Variants in PPIL2 observed in about 807,000 individuals in gnomAD.
PPIL2 encodes RING-type E3 ubiquitin-protein ligase PPIL2.
PPIL2 carries 50 observed loss-of-function variants against 75.2 expected under a neutral mutation model. The ratio of observed to expected loss-of-function variants is 0.66; its 90% CI spans 0.53 to 0.84. The LOEUF (loss-of-function observed/expected upper bound fraction) is 0.84. Ranked by LOEUF, PPIL2 falls within the 40% of genes least tolerant of loss-of-function variation. The probability of loss-of-function intolerance (pLI) is 0.00; values close to 1 mark genes in which losing one functional copy is unlikely to be tolerated. For missense variants in PPIL2, 590 were observed against 685.0 expected (o/e 0.86, Z 1.55); for synonymous variants, 245 against 258.8 (o/e 0.95, Z 0.51).
chr22:21,667,890 C>A (rs2066458637), intron 1 of PPIL2, among the ~76,000 whole-genome samples: 1 of 151,714 alleles, frequency 6.6e-6, no homozygotes, highest in South Asian at 2.1e-4. Flanking sequence ...ATTCTCCCAC[C>A]TCAGCCTCCC....
intron 13 of PPIL2, 102 bp downstream of exon 13, chr22:21,687,834 G>C: frequency 1.6e-6 from 2 of 1,245,726 alleles, no homozygotes; most frequent in East Asian, 2.4e-5. Context: ...CCCATCCCAC[G>C]GTGGCCAGGA....
rs1053750587 is a variant in PPIL2, at chr22:21,697,549, C to T, written c.*2059C>T. ...CTGAGGGCACGATTTAAACATTTGA[C>T]ATCAGAAGCTTTATTTGTAAACCTC... On this transcript the variant is annotated 3_prime_UTR_variant, in exon 20 of 20. Coordinates refer to ENST00000398831, the MANE Select transcript of PPIL2 (RefSeq NM_014337.4). 1 of 155,914 alleles carries T rather than the reference C, an allele frequency of 6.4e-6. No individual in the cohort carries two copies. Among genetic ancestry groups the T allele is most frequent in the Non-Finnish European group, 1.4e-5 (1 of 70,418 alleles). The allele number at this position is 155,914 out of a possible 1,614,324, so 9.7% of individuals were successfully genotyped here. A position where few individuals can be genotyped will look rare whatever the true frequency, so the allele number is the denominator to read the frequency against.
At chr22:21,679,680 T>TC (rs759537712) in intron 6 of PPIL2, among the ~76,000 whole-genome samples, 2 of 148,984 alleles carry the variant, frequency 1.3e-5, no homozygotes, top group Non-Finnish European at 3.0e-5. Flanking sequence ...CAAGCAATCC[T>TC]CCCACCTTGG....
intron 15 of PPIL2, 79 bp downstream of exon 15, chr22:21,688,928 G>A: frequency 1.5e-6 from 2 of 1,320,664 alleles, no homozygotes; most frequent in Non-Finnish European, 2.2e-6. Flanking sequence ...GGCCCTCTCT[G>A]AAGGGTGTGC....
At chr22:21,675,030 CATT>C (rs1279113816) in intron 5 of PPIL2, 31 bp from the exon 6 acceptor site, 1 of 1,563,732 alleles carries the variant, frequency 6.4e-7, no homozygotes, top group South Asian at 1.1e-5. Flanking sequence ...GTTACTTATT[CATT>C]ATCATTAATT....
At chr22:21,692,213 C>T (rs1210414) in intron 15 of PPIL2, among the ~76,000 whole-genome samples, 102,722 of 150,890 alleles carry the variant, frequency 0.68, 36,852 homozygotes, top group East Asian at 0.85. Context: ...TGGAGTGCAG[C>T]GGCGCGATCT....
chr22:21,666,109 C>A lies in PPIL2; in HGVS notation c.10C>A (p.Arg4=), dbSNP rs1032127446. The A allele has an allele frequency of 1.2e-6, 2 of 1,613,742 alleles. No individual in the cohort carries two copies. The highest frequency in any genetic ancestry group is 4.5e-5 in the East Asian group (2 of 44,852). MGK[R]QHQKDKMYIT... ...CCGCCGCCGCTCCGCCATGGGGAAGCGACAGCACCAAAAGGACAAAATGTA... is the reference window on the plus strand; with the variant it reads ...CCGCCGCCGCTCCGCCATGGGGAAGAGACAGCACCAAAAGGACAAAATGTA... Residue 4 remains arginine, a synonymous_variant, in exon 1 of 20, where the codon CGA becomes AGA. Transcript: ENST00000398831.
rs773761075 is a variant in PPIL2, at chr22:21,694,748, C to T, written c.1270-7C>T. The T allele has an allele frequency of 6.2e-6, 10 of 1,610,524 alleles. No homozygotes were observed. The East Asian group carries it at 1.3e-4, about 22-fold the overall frequency. On this transcript the variant is annotated splice_polypyrimidine_tract_variant and splice_region_variant and intron_variant, in intron 17 of 19. Transcript: ENST00000398831. The stretch of plus-strand genomic sequence containing the variant: ...CCTGCCGTGCACTGAGCCCCCTTTG[C>T]TGCTAGGAGGAGATCCGCATTGATG...
intron 6 of PPIL2, among the ~76,000 whole-genome samples, chr22:21,675,811 C>G (rs2066816844): frequency 6.6e-6 from 1 of 152,228 alleles, no homozygotes; most frequent in Middle Eastern, 3.2e-3. Context: ...AGGGATTTGT[C>G]CAGTAGCTCT....
chr22:21,691,052 C>T (rs1425843448), intron 15 of PPIL2, among the ~76,000 whole-genome samples: 1 of 146,762 alleles, frequency 6.8e-6, no homozygotes, highest in Non-Finnish European at 1.5e-5. Flanking sequence ...GCAACCTCTG[C>T]CTCCTGGGTT....
chr22:21,698,787 T>C (rs1025588945), downstream of PPIL2: 3 of 152,424 alleles, frequency 2.0e-5, no homozygotes, highest in Non-Finnish European at 4.4e-5. Context: ...CCCTGCAGCG[T>C]GCAGTGACCC....
chr22:21,682,086 C>A lies in PPIL2; in HGVS notation c.388-351C>A, dbSNP rs527849183. Among the ~76,000 whole-genome samples, 4 of 152,370 alleles carry A rather than the reference C, an allele frequency of 2.6e-5. No homozygotes were observed. The South Asian group carries it at 8.3e-4, about 32-fold the overall frequency. The stretch of plus-strand genomic sequence containing the variant: ...GAGTGCAGGCATCTTGTGTGCACAG[C>A]CCCTGCCCACGGGGGCCTGGCACCA... On this transcript the variant is annotated intron_variant, in intron 7 of 19. Transcript: ENST00000398831.
At chr22:21,687,141 C>A in intron 12 of PPIL2, 143 bp downstream of exon 12, 1 of 783,554 alleles carries the variant, frequency 1.3e-6, no homozygotes, top group South Asian at 1.6e-5. Flanking sequence ...CGCAGCAGTG[C>A]CCTGTGTCCT....
intron 6 of PPIL2, among the ~76,000 whole-genome samples, chr22:21,678,692 A>G (rs991390527): frequency 6.6e-6 from 1 of 152,054 alleles, no homozygotes; most frequent in Non-Finnish European, 1.5e-5. Flanking sequence ...TGAAGCCCCA[A>G]TTTAAAAAAC....
At position 21,696,660 on chromosome 22, in the gene PPIL2, C is replaced by T; in HGVS notation, c.*1170C>T. ...CTCCCTGTTGCCCTCAGGCCACCCC[C>T]CACTTCTAGTTCTTCACACTAAGCC... On this transcript the variant is annotated 3_prime_UTR_variant, in exon 20 of 20. Coordinates refer to ENST00000398831, the MANE Select transcript of PPIL2 (RefSeq NM_014337.4). 6.5e-7 allele frequency: 1 copy of T among 1,527,372 alleles called. No individual in the cohort carries two copies. 94.6% of individuals were successfully genotyped at this position (1,527,372 alleles called of 1,614,324 possible). A position where few individuals can be genotyped will look rare whatever the true frequency, so the allele number is the denominator to read the frequency against.
chr22:21,686,916 G>A lies in PPIL2; in HGVS notation c.815G>A (p.Arg272His), dbSNP rs1254949614. ...GCTGCCATCGACGAGGATGTGCTGCGCTACCAGTTTGTGAAGAAGAAGGGC... is the reference window on the plus strand; with the variant it reads ...GCTGCCATCGACGAGGATGTGCTGCACTACCAGTTTGTGAAGAAGAAGGGC... ...EAAAIDEDVL[R>H]YQFVKKKGYV... Residue 272 changes from arginine to histidine, a missense_variant, in exon 12 of 20, where the codon CGC (arginine) becomes CAC (histidine). Physicochemically the swap from Arg to His is conservative, Grantham distance 29. Coordinates refer to ENST00000398831, the MANE Select transcript of PPIL2 (RefSeq NM_014337.4). 8.7e-6 allele frequency: 14 copies of A among 1,614,044 alleles called. No homozygotes were observed. The highest frequency in any genetic ancestry group is 2.2e-5 in the East Asian group (1 of 44,876).
intron 5 of PPIL2, among the ~76,000 whole-genome samples, 186 bp downstream of exon 5, chr22:21,672,567 G>T (rs1181508332): frequency 6.6e-6 from 1 of 152,132 alleles, no homozygotes; most frequent in Non-Finnish European, 1.5e-5. Context: ...TCCGGCCTGT[G>T]CACGTGTATA....
At chr22:21,677,424 C>T (rs968011781) in intron 6 of PPIL2, among the ~76,000 whole-genome samples, 11 of 152,338 alleles carry the variant, frequency 7.2e-5, no homozygotes, top group Admixed American at 5.2e-4. Context: ...ACTGAGTGAA[C>T]GAGACTCCGT....
At position 21,696,696 on chromosome 22, in the gene PPIL2, C is replaced by T. The variant is rs2067947376; in HGVS notation, c.*1206C>T. On this transcript the variant is annotated 3_prime_UTR_variant, in exon 20 of 20. Coordinates refer to ENST00000398831, the MANE Select transcript of PPIL2 (RefSeq NM_014337.4). ...TCTTCACACTAAGCCCTAACTTAGG[C>T]CTTGTTCTTGGTTTTCTCATTTTTG... 1 of 1,534,806 alleles carries T rather than the reference C, an allele frequency of 6.5e-7. No individual in the cohort carries two copies. The highest frequency in any genetic ancestry group is 1.2e-5 in the South Asian group (1 of 83,442).
Sources: allele counts gnomAD v4.1 joint callset (sites outside exome capture counted in the v4.1 genomes callset), GRCh38; gene constraint gnomAD v4.1.1; transcripts MANE v1.5; gene names NCBI Gene and HGNC (gene_info 2026-07-23, HGNC 2026-07-21).